SLC35F1: variants seen among roughly 807,000 people sequenced by gnomAD.
The protein encoded by SLC35F1 is chromosome 6 open reading frame 169.
In SLC35F1, 14 loss-of-function variants were observed where a neutral mutation model predicts 48.7. That is an observed-to-expected ratio of 0.29 (90% confidence interval 0.19 to 0.45). The LOEUF (loss-of-function observed/expected upper bound fraction) is 0.45, where lower values mean the gene tolerates loss of function less well. Ranked by LOEUF, SLC35F1 falls within the 20% of genes least tolerant of loss-of-function variation. The pLI is 1.00. For missense variants in SLC35F1, 404 were observed against 500.0 expected, an observed-to-expected ratio of 0.81 and a Z score of 1.83; for synonymous variants, 190 against 202.2, an observed-to-expected ratio of 0.94 and a Z score of 0.51.
chr6:118,022,890 A>G (rs2114885885), intron 1 of SLC35F1, among the ~76,000 whole-genome samples: 1 of 151,864 alleles, frequency 6.6e-6, no homozygotes, highest in South Asian at 2.1e-4. Context: ...AGCTGGGACT[A>G]CAGGCGTGTA....
At chr6:118,157,374 G>A (rs534139830) in intron 2 of SLC35F1, among the ~76,000 whole-genome samples, 2 of 152,246 alleles carry the variant, frequency 1.3e-5, no homozygotes, top group East Asian at 1.9e-4. Flanking sequence ...ACCACTGTGC[G>A]GTCAGGAGGA....
At chr6:117,991,711 A>G (rs1023996159) in intron 1 of SLC35F1, among the ~76,000 whole-genome samples, 1 of 152,222 alleles carries the variant, frequency 6.6e-6, no homozygotes, top group Non-Finnish European at 1.5e-5. Context: ...CCTGCTGGCA[A>G]GTCTGTCTCT....
At chr6:118,070,709 ACAT>A (rs1772689504) in intron 1 of SLC35F1, among the ~76,000 whole-genome samples, 1 of 150,710 alleles carries the variant, frequency 6.6e-6, no homozygotes. Context: ...TAAATTTTAG[ACAT>A]CATCTACAGT....
At chr6:118,251,693 T>A (rs568769747) in intron 3 of SLC35F1, among the ~76,000 whole-genome samples, 1 of 152,124 alleles carries the variant, frequency 6.6e-6, no homozygotes, top group East Asian at 1.9e-4. Flanking sequence ...AGATTCTAAA[T>A]AGTTTTAAGT....
At chr6:118,053,099 T>C (rs1772414414) in intron 1 of SLC35F1, among the ~76,000 whole-genome samples, 1 of 151,930 alleles carries the variant, frequency 6.6e-6, no homozygotes, top group South Asian at 2.1e-4. Context: ...AATTATCTGG[T>C]AAGGAAATTT....
At position 118,270,757 on chromosome 6, in the gene SLC35F1, G is replaced by T. The variant is rs116079877; in HGVS notation, c.637+3603G>T. Among the ~76,000 whole-genome samples the T allele has an allele frequency of 3.7e-3, 558 of 152,290 alleles. 4 individuals carry two copies. Among genetic ancestry groups the T allele is most frequent in the African/African-American group, 0.013 (531 of 41,570 alleles). ...AATAGGCAATAGAAGTGGCTTCTGA[G>T]AATATTATAACTATTATAGATGTGT... On this transcript the variant is annotated intron_variant, in intron 4 of 7. Coordinates refer to ENST00000360388, the MANE Select transcript of SLC35F1 (RefSeq NM_001029858.4).
intron 2 of SLC35F1, among the ~76,000 whole-genome samples, chr6:118,224,999 A>T (rs939870746): frequency 6.6e-6 from 1 of 152,228 alleles, no homozygotes; most frequent in Non-Finnish European, 1.5e-5. Flanking sequence ...GGAAAAATAT[A>T]AAATACTGAT....
At chr6:118,187,285 T>C (rs1458515708) in intron 2 of SLC35F1, among the ~76,000 whole-genome samples, 1 of 152,194 alleles carries the variant, frequency 6.6e-6, no homozygotes, top group Non-Finnish European at 1.5e-5. Context: ...TGTTTTTATT[T>C]CTATTTCTTT....
At position 117,923,658 on chromosome 6, in the gene SLC35F1, T is replaced by TACAC. The variant is rs1491430193; in HGVS notation, c.173+15759_173+15760insACAC. Among the ~76,000 whole-genome samples the TACAC allele has an allele frequency of 1.3e-4, 9 of 71,478 alleles. 1 individual carries two copies. In the South Asian group the frequency reaches 1.4e-3, roughly 11 times the overall value. 46.9% of individuals were successfully genotyped at this position (71,478 alleles called of 152,430 possible). A position where few individuals can be genotyped will look rare whatever the true frequency, so the allele number is the denominator to read the frequency against. ...ATGTACATATGTACATATGTACATA[T>TACAC]GTATATATACATATATGTACATATA... is the stretch of plus-strand genomic sequence containing the variant. On this transcript the variant is annotated intron_variant, in intron 1 of 7. Transcript: ENST00000360388.
At chr6:117,973,930 T>C (rs749017698) in intron 1 of SLC35F1, among the ~76,000 whole-genome samples, 19 of 152,324 alleles carry the variant, frequency 1.2e-4, no homozygotes, top group Non-Finnish European at 2.5e-4. Flanking sequence ...GTAAACTACA[T>C]CCAGTGAATC....
intron 6 of SLC35F1, among the ~76,000 whole-genome samples, chr6:118,278,975 C>T (rs9387571): frequency 0.03 from 4,589 of 152,244 alleles, 112 homozygotes; most frequent in African/African-American, 0.065. Context: ...CTCATATTGC[C>T]ATTAAAACGT....
chr6:117,965,642 G>A (rs920609670), intron 1 of SLC35F1, among the ~76,000 whole-genome samples: 23 of 152,248 alleles, frequency 1.5e-4, no homozygotes, highest in East Asian at 1.9e-4. Flanking sequence ...GGTGGTAGAC[G>A]GTGGATGTAT....
chr6:118,253,610 C>T (rs1244179226), intron 3 of SLC35F1, among the ~76,000 whole-genome samples: 2 of 151,484 alleles, frequency 1.3e-5, no homozygotes, highest in Non-Finnish European at 2.9e-5. Context: ...TGAGAGGGAC[C>T]AAAAGAACAA....
At chr6:118,224,655 G>A (rs185453464) in intron 2 of SLC35F1, among the ~76,000 whole-genome samples, 1 of 152,296 alleles carries the variant, frequency 6.6e-6, no homozygotes, top group East Asian at 1.9e-4. Flanking sequence ...GTATTATTTT[G>A]TATTATTAGT....
At chr6:117,924,360 C>T (rs1775991074) in intron 1 of SLC35F1, among the ~76,000 whole-genome samples, 5 of 129,088 alleles carry the variant, frequency 3.9e-5, no homozygotes, top group African/African-American at 9.3e-5. Context: ...TATGTATATA[C>T]ACACATAGGT....
chr6:118,246,858 A>G (rs1775513809), intron 3 of SLC35F1, among the ~76,000 whole-genome samples: 1 of 152,068 alleles, frequency 6.6e-6, no homozygotes, highest in Non-Finnish European at 1.5e-5. Flanking sequence ...GTAGTCTCTA[A>G]CTCCCTCCCT....
At chr6:117,971,486 C>A (rs1776637763) in intron 1 of SLC35F1, among the ~76,000 whole-genome samples, 1 of 152,236 alleles carries the variant, frequency 6.6e-6, no homozygotes, top group South Asian at 2.1e-4. Context: ...CTAAGCAGTG[C>A]CCCAGTAGGG....
At chr6:118,251,520 C>T (rs905245563) in intron 3 of SLC35F1, among the ~76,000 whole-genome samples, 2 of 152,020 alleles carry the variant, frequency 1.3e-5, no homozygotes, top group African/African-American at 4.8e-5. Context: ...TACCTAATGA[C>T]GGATCACAAA....
At chr6:118,284,278 A>C (rs283082) in intron 6 of SLC35F1, among the ~76,000 whole-genome samples, 81,992 of 152,010 alleles carry the variant, frequency 0.54, 22,592 homozygotes, top group African/African-American at 0.62. Flanking sequence ...TTGTAATACC[A>C]AGGCAGACAC....
Sources: allele counts gnomAD v4.1 joint callset (sites outside exome capture counted in the v4.1 genomes callset), GRCh38; gene constraint gnomAD v4.1.1; transcripts MANE v1.5; gene names NCBI Gene and HGNC (gene_info 2026-07-23, HGNC 2026-07-21).